The following MLYCD variants were observed in gnomAD, a reference collection of about 807,000 sequenced individuals.
MLYCD encodes the protein malonyl-CoA decarboxylase, mitochondrial.
In MLYCD, 27 loss-of-function variants were observed where a neutral mutation model predicts 35.8. The observed-to-expected ratio is 0.75, with a 90% CI of 0.56 to 1.04. The LOEUF (loss-of-function observed/expected upper bound fraction) is 1.04, where lower values mean the gene tolerates loss of function less well. MLYCD is among the 50% of genes least tolerant of loss of function. The pLI, the probability that MLYCD is intolerant of heterozygous loss-of-function variation, is 0.00. For missense variants in MLYCD, 917 were observed against 665.1 expected (o/e 1.38, Z -4.17); for synonymous variants, 403 against 302.4 (o/e 1.33, Z -3.45).
At chr16:83,912,565 TGA>T (rs1404990941) in intron 4 of MLYCD, 198 bp downstream of exon 4, 1 of 681,900 alleles carries the variant, frequency 1.5e-6, no homozygotes. Flanking sequence ...AGAATGATGC[TGA>T]GAGAGGCCTC....
chr16:83,910,595 C>T lies in MLYCD; in HGVS notation c.799-1623C>T, dbSNP rs986275613. 2.7e-5 allele frequency among the ~76,000 whole-genome samples: 4 copies of T among 149,812 alleles called. No homozygotes were observed. The Admixed American group carries it at 2.7e-4, about 10-fold the overall frequency. On this transcript the variant is annotated intron_variant, in intron 3 of 4. Transcript: ENST00000262430. The stretch of plus-strand genomic sequence containing the variant: ...GCCCCAGCTACTTGGGAGGCTGAGG[C>T]ACAAATGAGAATCGCTTGCCACTAG...
rs1907518872 is a variant in MLYCD at position 83,918,538 on chromosome 16, TGGTGCACAGGAGAACACGCACACAC to T, written c.*3059_*3083del. Reference sequence around the variant, plus strand: ...AACACAGAGTGCACAGGAGAACACATGGTGCACAGGAGAACACGCACACACGGTGCACAGAACACACACAGTGCAC... The same window carrying T: ...AACACAGAGTGCACAGGAGAACACATGGTGCACAGAACACACACAGTGCAC... On this transcript the variant is annotated 3_prime_UTR_variant, in exon 5 of 5. Transcript: ENST00000262430. 2.8e-5 allele frequency: 3 copies of T among 108,994 alleles called. No homozygotes were observed. The highest frequency in any genetic ancestry group is 1.1e-4 in the African/African-American group (3 of 26,914). 6.8% of individuals were successfully genotyped at this position (108,994 alleles called of 1,614,324 possible).
chr16:83,899,663 G>A lies in MLYCD; in HGVS notation c.519G>A (p.Pro173=). The change falls in exon 1 of 5, where the codon CCG becomes CCA. Residue 173 remains proline (P), a synonymous_variant. Coordinates refer to ENST00000262430, the MANE Select transcript of MLYCD (RefSeq NM_012213.3). ...EAQALKLVEG[P]DVREMNGVLK... is the part of the protein sequence containing the mutation. ...AGGCCCTCAAGCTGGTGGAGGGGCC[G>A]GACGTCCGGGTAAGGGGCCGCCGTC... The A allele has an allele frequency of 6.6e-7, 1 of 1,526,714 alleles. No homozygotes were observed. Among genetic ancestry groups the A allele is most frequent in the South Asian group, 1.2e-5 (1 of 83,784 alleles). The allele number at this position is 1,526,714 out of a possible 1,614,324, so 94.6% of individuals were successfully genotyped here.
chr16:83,912,618 C>G, intron 4 of MLYCD: 1 of 528,664 alleles, frequency 1.9e-6, no homozygotes, highest in East Asian at 3.5e-5. Context: ...CAGTTGTATT[C>G]TGAGGTCATC....
chr16:83,925,911 T>G lies in MLYCD; in HGVS notation c.*10422T>G, dbSNP rs570295036. The G allele has an allele frequency of 6.6e-6, 1 of 152,410 alleles. No homozygotes were observed. Among genetic ancestry groups the G allele is most frequent in the Non-Finnish European group, 1.5e-5 (1 of 68,196 alleles). 9.4% of individuals were successfully genotyped at this position (152,410 alleles called of 1,614,324 possible). On this transcript the variant is annotated 3_prime_UTR_variant, in exon 5 of 5. Transcript: ENST00000262430. The stretch of plus-strand genomic sequence containing the variant: ...ACTGGGGCCTCTCCTTCCTGGTAGC[T>G]TCTAAACAAGGCAGTTTCATGTGTG...
At position 83,922,224 on chromosome 16, in the gene MLYCD, G is replaced by A. The variant is rs1284754043; in HGVS notation, c.*6735G>A. ...CCCGACCTGTGCTTCCGGAGCCCGC[G>A]TCCCGTCCCATCTCAGGAGCTACTC... On this transcript the variant is annotated 3_prime_UTR_variant, in exon 5 of 5. Coordinates refer to ENST00000262430, the MANE Select transcript of MLYCD (RefSeq NM_012213.3). 2.0e-5 allele frequency: 3 copies of A among 151,576 alleles called. No homozygotes were observed. In the South Asian group the frequency reaches 6.3e-4, roughly 32 times the overall value. The allele number at this position is 151,576 out of a possible 1,614,324, so 9.4% of individuals were successfully genotyped here. A position where few individuals can be genotyped will look rare whatever the true frequency, so the allele number is the denominator to read the frequency against.
At chr16:83,906,222 A>C (rs1341349677) in intron 1 of MLYCD, among the ~76,000 whole-genome samples, 1 of 150,052 alleles carries the variant, frequency 6.7e-6, no homozygotes. Context: ...CCCCATTTCT[A>C]CAAAAAAGAC....
Position 83,916,282 on chromosome 16 carries a change from G to C in MLYCD, c.*793G>C, listed in dbSNP as rs1046061600. The C allele has an allele frequency of 2.4e-6, 2 of 821,994 alleles. No homozygotes were observed. The highest frequency in any genetic ancestry group is 2.9e-6 in the Non-Finnish European group (2 of 679,182). The allele number at this position is 821,994 out of a possible 1,614,324, so 50.9% of individuals were successfully genotyped here. A position where few individuals can be genotyped will look rare whatever the true frequency, so the allele number is the denominator to read the frequency against. On this transcript the variant is annotated 3_prime_UTR_variant, in exon 5 of 5. Coordinates refer to ENST00000262430, the MANE Select transcript of MLYCD (RefSeq NM_012213.3). Reference sequence around the variant, plus strand: ...GGGAGTTTGGGATGAAGGAGCCTGGGGTGTGTTGGATGAGAACAAAGGTGA... The same window carrying C: ...GGGAGTTTGGGATGAAGGAGCCTGGCGTGTGTTGGATGAGAACAAAGGTGA...
intron 2 of MLYCD, among the ~76,000 whole-genome samples, chr16:83,907,400 C>A (rs1177806146): frequency 6.6e-6 from 1 of 152,134 alleles, no homozygotes; most frequent in Non-Finnish European, 1.5e-5. Flanking sequence ...GTCCCAAGAC[C>A]CCGTGATCAG....
rs1014990867 is a variant in MLYCD at position 83,912,358 on chromosome 16, G to A, written c.939G>A (p.Lys313=). ...CATTCCTCATAAAGCGAGTCGTCAA[G>A]GAGTTGCAGGTAAGCGACACGCAGG... ...LGTFLIKRVV[K]ELQREFPHLG... The change falls in exon 4 of 5, where the codon AAG becomes AAA. Residue 313 remains lysine, a synonymous_variant. Coordinates refer to ENST00000262430, the MANE Select transcript of MLYCD (RefSeq NM_012213.3). 12 of 1,614,078 alleles carry A rather than the reference G, an allele frequency of 7.4e-6. No individual in the cohort carries two copies. The African/African-American group carries it at 1.6e-4, about 22-fold the overall frequency.
rs1191889973 is a variant in MLYCD at position 83,908,221 on chromosome 16, CT to C, written c.738del (p.Glu248SerfsTer10). The C allele has an allele frequency of 1.2e-6, 2 of 1,614,246 alleles. No individual in the cohort carries two copies. Among genetic ancestry groups the C allele is most frequent in the Non-Finnish European group, 1.7e-6 (2 of 1,180,038 alleles). On this transcript the variant is annotated frameshift_variant, in exon 3 of 5. Transcript: ENST00000262430. LOFTEE classifies it high-confidence loss of function. ...RCYFFSHCST[P>X]GEPLVVLHVA... Reference sequence around the variant, plus strand: ...TACTTCTTTTCTCACTGTTCGACCCCTGGGGAGCCCCTGGTCGTTTTGCACG... The same window carrying C: ...TACTTCTTTTCTCACTGTTCGACCCCGGGGAGCCCCTGGTCGTTTTGCACG...
intron 1 of MLYCD, among the ~76,000 whole-genome samples, 194 bp from the exon 2 acceptor site, chr16:83,906,792 CG>C (rs1567633427): frequency 6.6e-6 from 1 of 152,138 alleles, no homozygotes; most frequent in African/African-American, 2.4e-5. Context: ...GAGCGTTGAA[CG>C]AAAGAAAGCC....
chr16:83,911,167 A>G (rs1907165425), intron 3 of MLYCD, among the ~76,000 whole-genome samples: 1 of 151,680 alleles, frequency 6.6e-6, no homozygotes, highest in African/African-American at 2.4e-5. Flanking sequence ...TTTAGTAGAG[A>G]CGGGGTTTCA....
chr16:83,899,381 C>T lies in MLYCD; in HGVS notation c.237C>T (p.Ala79=), dbSNP rs748458868. 1 of 1,527,530 alleles carries T rather than the reference C, an allele frequency of 6.5e-7. No homozygotes were observed. The highest frequency in any genetic ancestry group is 8.7e-7 in the Non-Finnish European group (1 of 1,146,548). The allele number at this position is 1,527,530 out of a possible 1,614,324, so 94.6% of individuals were successfully genotyped here. The stretch of plus-strand genomic sequence containing the variant: ...TCGTGAGCTTCTACGGTGGGCTGGC[C>T]GAGACGGCCCAGCGGGCCGAACTGC... ...ADFVSFYGGL[A]ETAQRAELLG... Residue 79 remains alanine (A), a synonymous_variant, in exon 1 of 5, where the codon GCC becomes GCT. Transcript: ENST00000262430.
In MLYCD at chr16:83,912,330, G is replaced by T. The variant is rs773180566; in HGVS notation, c.911G>T (p.Gly304Val). 2 of 1,614,160 alleles carry T rather than the reference G, an allele frequency of 1.2e-6. No homozygotes were observed. Among genetic ancestry groups the T allele is most frequent in the Non-Finnish European group, 1.7e-6 (2 of 1,180,038 alleles). The change falls in exon 4 of 5, where the codon GGA becomes GTA. Residue 304 changes from glycine to valine, a missense_variant. Gly to Val is a moderately radical substitution (Grantham distance 109). Coordinates refer to ENST00000262430, the MANE Select transcript of MLYCD (RefSeq NM_012213.3). ...CAGGGACTCCAAGGGGTGGAGCTGGGAACATTCCTCATAAAGCGAGTCGTC... is the reference window on the plus strand; with the variant it reads ...CAGGGACTCCAAGGGGTGGAGCTGGTAACATTCCTCATAAAGCGAGTCGTC... ...TQQGLQGVEL[G>V]TFLIKRVVKE...
intron 1 of MLYCD, among the ~76,000 whole-genome samples, chr16:83,906,173 G>A (rs1906967699): frequency 6.6e-6 from 1 of 152,126 alleles, no homozygotes. Flanking sequence ...GATTGCCTGT[G>A]CTCAGGAGCT....
chr16:83,901,562 C>G (rs576780430), intron 1 of MLYCD, among the ~76,000 whole-genome samples: 1 of 152,318 alleles, frequency 6.6e-6, no homozygotes, highest in African/African-American at 2.4e-5. Flanking sequence ...ATTTGGACAG[C>G]TTTGTCCCTC....
At chr16:83,912,086 C>A in intron 3 of MLYCD, 132 bp from the exon 4 acceptor site, 1 of 1,328,616 alleles carries the variant, frequency 7.5e-7, no homozygotes, top group South Asian at 1.2e-5. Flanking sequence ...GCCTGAACCC[C>A]AGCTGGGGAG....
chr16:83,915,518 C>T lies in MLYCD; in HGVS notation c.*29C>T, dbSNP rs920648484. ...TAAACCTCTCCTAAAGCACAGGGCCCCGGCTAAGAAAACGATCATTTTCAG... is the reference window on the plus strand; with the variant it reads ...TAAACCTCTCCTAAAGCACAGGGCCTCGGCTAAGAAAACGATCATTTTCAG... On this transcript the variant is annotated 3_prime_UTR_variant, in exon 5 of 5. Transcript: ENST00000262430. 1 of 1,604,410 alleles carries T rather than the reference C, an allele frequency of 6.2e-7. No homozygotes were observed. The highest frequency in any genetic ancestry group is 8.5e-7 in the Non-Finnish European group (1 of 1,179,644).
Sources: allele counts gnomAD v4.1 joint callset (sites outside exome capture counted in the v4.1 genomes callset), GRCh38; gene constraint gnomAD v4.1.1; transcripts MANE v1.5; gene names NCBI Gene and HGNC (gene_info 2026-07-23, HGNC 2026-07-21).